LIPE: variants seen among roughly 807,000 people sequenced by gnomAD.
The protein encoded by LIPE is hormone-sensitive lipase.
A neutral mutation model predicts 88.5 loss-of-function variants in LIPE; 66 were observed. The observed-to-expected ratio is 0.75, with a 90% CI of 0.61 to 0.91. The LOEUF is 0.91. Ranked by LOEUF, LIPE falls within the 40% of genes least tolerant of loss-of-function variation. The pLI is 0.00. For missense variants in LIPE, 1,346 were observed against 1,434.7 expected, an observed-to-expected ratio of 0.94 and a Z score of 1.00; for synonymous variants, 570 against 617.5, an observed-to-expected ratio of 0.92 and a Z score of 1.14.
intron 2 of LIPE, among the ~76,000 whole-genome samples, chr19:42,409,748 G>A (rs887724832): frequency 3.9e-5 from 6 of 152,240 alleles, no homozygotes; most frequent in Non-Finnish European, 7.3e-5. Flanking sequence ...GGTCACGGCT[G>A]GGACACAGGG....
At chr19:42,422,085 G>A (rs2040608408) in intron 1 of LIPE, among the ~76,000 whole-genome samples, 1 of 152,188 alleles carries the variant, frequency 6.6e-6, no homozygotes, top group African/African-American at 2.4e-5. Context: ...TGGCATACCA[G>A]GCTCTAGAAA....
rs2039991279 is a variant in LIPE, at chr19:42,402,042, C to T, written c.3001G>A (p.Val1001Ile). The change falls in exon 10 of 10, where the codon GTC becomes ATC. Residue 1001 changes from valine (V) to isoleucine (I), a missense_variant. Transcript: ENST00000244289. The stretch of plus-strand genomic sequence containing the variant: ...TTGCGCAGTCGCCGCGCGAGCATGA[C>T]CGAGTCGTCCAGCATGGGGTCCAGC... ...CALDPMLDDSVMLARRLRNLG... is the reference protein window; with the variant it reads ...CALDPMLDDSIMLARRLRNLG... 1 of 1,527,154 alleles carries T rather than the reference C, an allele frequency of 6.5e-7. No homozygotes were observed. The highest frequency in any genetic ancestry group is 8.8e-7 in the Non-Finnish European group (1 of 1,136,852). The allele number at this position is 1,527,154 out of a possible 1,614,324, so 94.6% of individuals were successfully genotyped here. A position where few individuals can be genotyped will look rare whatever the true frequency, so the allele number is the denominator to read the frequency against.
Position 42,426,576 on chromosome 19 carries a change from G to C in LIPE, c.574C>G (p.Gln192Glu). 6.2e-7 allele frequency: 1 copy of C among 1,614,196 alleles called. No homozygotes were observed. The highest frequency in any genetic ancestry group is 1.1e-5 in the South Asian group (1 of 91,088). The change falls in exon 1 of 10, where the codon CAG becomes GAG. Residue 192 changes from glutamine (Q) to glutamate (E), a missense_variant. Gln to Glu is a conservative substitution (Grantham distance 29, BLOSUM62 2). Coordinates refer to ENST00000244289, the MANE Select transcript of LIPE (RefSeq NM_005357.4). The part of the protein sequence containing the change: ...EQSDKQTTPV[Q>E]GAKSKQGSLT... ...GATCCCTGCTTGGATTTGGCTCCCT[G>C]GACTGGCGTTGTTTGCTTGTCTGAC...
chr19:42,418,938 G>A (rs1356532560), intron 1 of LIPE, among the ~76,000 whole-genome samples: 5 of 152,066 alleles, frequency 3.3e-5, no homozygotes, highest in Admixed American at 2.0e-4. Context: ...GTGCACTGCC[G>A]CCCCTTGGTA....
intron 1 of LIPE, chr19:42,424,313 GA>G (rs752136304): frequency 2.2e-6 from 1 of 460,290 alleles, no homozygotes. Context: ...GAAATGGCGG[GA>G]AACAGAGGAG....
In LIPE at chr19:42,410,641, A is replaced by G. The variant is rs752210692; in HGVS notation, c.1085T>C (p.Phe362Ser). 11 of 1,613,088 alleles carry G rather than the reference A, an allele frequency of 6.8e-6. No individual in the cohort carries two copies. Among genetic ancestry groups the G allele is most frequent in the Non-Finnish European group, 9.3e-6 (11 of 1,179,462 alleles). The change falls in exon 2 of 10, where the codon TTT becomes TCT. Residue 362 changes from phenylalanine (F) to serine (S), a missense_variant. Physicochemically the swap from Phe to Ser is radical, Grantham distance 155 (BLOSUM62 -2). Transcript: ENST00000244289. The surrounding 1 kb of genome is among the most constrained non-coding windows in gnomAD (Gnocchi z 6.1). The stretch of plus-strand genomic sequence containing the variant: ...GGCCGGTGTCTCTGGGTCCAGGTCA[A>G]AGAGGTGCGCCACACCCAGCAGGCG... ...LGRLLGVAHL[F>S]DLDPETPANG... is the part of the protein sequence containing the mutation.
intron 1 of LIPE, among the ~76,000 whole-genome samples, chr19:42,420,481 T>C (rs924930660): frequency 1.3e-5 from 2 of 152,120 alleles, no homozygotes; most frequent in African/African-American, 2.4e-5. Context: ...TATGAATGGA[T>C]ATACATGCTT....
chr19:42,405,178 T>C (rs1042946459), intron 8 of LIPE, among the ~76,000 whole-genome samples: 3 of 152,022 alleles, frequency 2.0e-5, no homozygotes, highest in Non-Finnish European at 1.5e-5. Context: ...AATATTTTTG[T>C]ACTTTTACTA....
At chr19:42,419,696 T>A (rs1281676535) in intron 1 of LIPE, among the ~76,000 whole-genome samples, 1 of 10,634 alleles carries the variant, frequency 9.4e-5, no homozygotes, top group Non-Finnish European at 1.8e-4. Flanking sequence ...GGGAAGGAAG[T>A]GGGGTGGGGG....
intron 1 of LIPE, among the ~76,000 whole-genome samples, chr19:42,416,461 G>A (rs2040489910): frequency 6.6e-6 from 1 of 152,228 alleles, no homozygotes; most frequent in Non-Finnish European, 1.5e-5. Flanking sequence ...CATATTTTCA[G>A]TGTAGATAAA....
Position 42,408,497 on chromosome 19 carries a change from G to A in LIPE, c.1420-175C>T, listed in dbSNP as rs1307650062. On this transcript the variant is annotated intron_variant, in intron 2 of 9. Coordinates refer to ENST00000244289, the MANE Select transcript of LIPE (RefSeq NM_005357.4). This position sits in a 1 kb window ranked among gnomAD's most constrained non-coding sequence, Gnocchi z 4.3. ...TTCACGGACCTGATGTTCTCAAAGG[G>A]AAAACAAATGATCAGCAGATAAGCA... is the stretch of plus-strand genomic sequence containing the variant. 1 of 607,190 alleles carries A rather than the reference G, an allele frequency of 1.6e-6. No individual in the cohort carries two copies. Among genetic ancestry groups the A allele is most frequent in the Non-Finnish European group, 3.0e-6 (1 of 338,550 alleles). 37.6% of individuals were successfully genotyped at this position (607,190 alleles called of 1,614,324 possible). A position where few individuals can be genotyped will look rare whatever the true frequency, so the allele number is the denominator to read the frequency against.
chr19:42,427,196 C>T lies in LIPE; in HGVS notation c.-47G>A, dbSNP rs1194771050. ...TATTGATCTTCCAGGTTCTATCCTT[C>T]TGGGCTCCCACCCAGCCCTCTCTCT... On this transcript the variant is annotated 5_prime_UTR_variant, in exon 1 of 10. Transcript: ENST00000244289. The T allele has an allele frequency of 6.5e-7, 1 of 1,530,074 alleles. No homozygotes were observed. 94.8% of individuals were successfully genotyped at this position (1,530,074 alleles called of 1,614,324 possible).
In LIPE at chr19:42,404,183, G is replaced by A. The variant is rs113153945; in HGVS notation, c.2543-1152C>T. 3.0e-3 allele frequency among the ~76,000 whole-genome samples: 458 copies of A among 150,554 alleles called. 1 individual carries two copies. The highest frequency in any genetic ancestry group is 0.01 in the African/African-American group (427 of 40,894). ...GGGTTCAAGCAATTCTCCCGCCACA[G>A]CCTCCTGAGTAGCTGGGATTACAGG... On this transcript the variant is annotated intron_variant, in intron 8 of 9. Coordinates refer to ENST00000244289, the MANE Select transcript of LIPE (RefSeq NM_005357.4).
rs70937097 is a variant in LIPE at position 42,426,280 on chromosome 19, G to A, written c.870C>T (p.His290=). Residue 290 remains histidine, a synonymous_variant, in exon 1 of 10, where the codon CAC becomes CAT. Transcript: ENST00000244289. ...HEKTSARNHR[H]YQDTASRLIH... The stretch of plus-strand genomic sequence containing the variant: ...ATTCACACTCACCTGTATCCTGGTA[G>A]TGTCTGTGATTCCGAGCACTGGTTT... 192 of 1,601,220 alleles carry A rather than the reference G, an allele frequency of 1.2e-4. 1 individual carries two copies. In the East Asian group the frequency reaches 4.3e-3, roughly 36 times the overall value.
Position 42,426,487 on chromosome 19 carries a change from C to T in LIPE, c.663G>A (p.Glu221=). 6.2e-7 allele frequency: 1 copy of T among 1,614,220 alleles called. No individual in the cohort carries two copies. The highest frequency in any genetic ancestry group is 8.5e-7 in the Non-Finnish European group (1 of 1,180,044). ...TGACCCACTCAGAAAGTGCCTTCCA[C>T]TCTAGGGCTGATCGCTGTATGGATA... is the stretch of plus-strand genomic sequence containing the variant. The part of the protein sequence containing the change: ...QELSIQRSAL[E]WKALSEWVTD... The change falls in exon 1 of 10, where the codon GAG becomes GAA. Residue 221 remains glutamate (E), a synonymous_variant. Coordinates refer to ENST00000244289, the MANE Select transcript of LIPE (RefSeq NM_005357.4).
intron 1 of LIPE, chr19:42,423,513 C>T (rs2040643004): frequency 1.6e-6 from 2 of 1,271,768 alleles, no homozygotes; most frequent in Non-Finnish European, 2.0e-6. Flanking sequence ...CCTCGGCGGG[C>T]TCCGTTCCCC....
At chr19:42,403,126 C>G (rs1338534766) in intron 8 of LIPE, 95 bp from the exon 9 acceptor site, 3 of 1,264,758 alleles carry the variant, frequency 2.4e-6, no homozygotes, top group Non-Finnish European at 3.2e-6. Flanking sequence ...GCCTGTGGAG[C>G]GCTGTGAAAG....
Position 42,424,259 on chromosome 19 carries a change from G to A in LIPE, c.883+2008C>T, listed in dbSNP as rs2040663728. 3 of 545,096 alleles carry A rather than the reference G, an allele frequency of 5.5e-6. No individual in the cohort carries two copies. The African/African-American group carries it at 5.8e-5, about 11-fold the overall frequency. 33.8% of individuals were successfully genotyped at this position (545,096 alleles called of 1,614,324 possible). ...CGCCTGCGCACTAGCTTCAGGCCGC[G>A]GGCCGGCCCAAGAGCGGAGGTAGAG... On this transcript the variant is annotated intron_variant, in intron 1 of 9. Transcript: ENST00000244289.
chr19:42,417,960 G>A (rs964878009), intron 1 of LIPE, among the ~76,000 whole-genome samples: 2 of 151,658 alleles, frequency 1.3e-5, no homozygotes, highest in Non-Finnish European at 2.9e-5. Context: ...TAGAGCACCA[G>A]CAGGCTTTGA....
Sources: gnomAD v4.1 joint callset for allele counts (sites outside exome capture counted in the v4.1 genomes callset) on GRCh38, gnomAD v4.1.1 for gene constraint, Gnocchi (gnomAD v3.1) non-coding constraint, MANE v1.5 for transcripts, NCBI Gene and HGNC (gene_info 2026-07-23, HGNC 2026-07-21) for gene names.